Variants in PPARGC1A observed in about 807,000 individuals in gnomAD.
The protein encoded by PPARGC1A is PPARG coactivator 1 alpha, also known as peroxisome proliferator-activated receptor gamma coactivator 1-alpha.
PPARGC1A carries 25 observed loss-of-function variants against 88.7 expected under a neutral mutation model. The ratio of observed to expected loss-of-function variants is 0.28; its 90% CI spans 0.21 to 0.39. PPARGC1A has a LOEUF of 0.39. Among genes scored for constraint, PPARGC1A ranks in the 10% least tolerant of loss-of-function variants. PPARGC1A has a pLI of 1.00. For missense variants in PPARGC1A, 880 were observed against 968.7 expected (o/e 0.91, Z 1.22); for synonymous variants, 363 against 355.6 (o/e 1.02, Z -0.24).
At chr4:23,887,665 C>T (rs945068315) in intron 1 of PPARGC1A, among the ~76,000 whole-genome samples, 2 of 152,200 alleles carry the variant, frequency 1.3e-5, no homozygotes, top group African/African-American at 4.8e-5. Flanking sequence ...ATTAGCTTAA[C>T]TGCACTGATG....
chr4:24,177,530 T>A, the PPARGC1A span, among the ~76,000 whole-genome samples: 1 of 151,864 alleles, frequency 6.6e-6, no homozygotes, highest in Admixed American at 6.6e-5. Flanking sequence ...GACGAGTGAC[T>A]GGGTGCAGCA....
chr4:24,463,994 A>G, the PPARGC1A span, among the ~76,000 whole-genome samples: 2 of 152,168 alleles, frequency 1.3e-5, no homozygotes, highest in African/African-American at 4.8e-5. Context: ...ATTCAATTTG[A>G]TATTTCCCTA....
chr4:24,138,058 G>A, the PPARGC1A span, among the ~76,000 whole-genome samples: 46,422 of 151,978 alleles, frequency 0.31, 7,872 homozygotes, highest in African/African-American at 0.45. Flanking sequence ...GCCAGGTCAC[G>A]TGAGCATAGA....
the PPARGC1A span, among the ~76,000 whole-genome samples, chr4:24,002,374 C>T: frequency 6.6e-6 from 1 of 152,108 alleles, no homozygotes; most frequent in Non-Finnish European, 1.5e-5. Context: ...GATCTGCCCG[C>T]CTTGGCCTCT....
chr4:24,252,533 A>C, the PPARGC1A span, among the ~76,000 whole-genome samples: 1 of 152,240 alleles, frequency 6.6e-6, no homozygotes, highest in Non-Finnish European at 1.5e-5. Context: ...TATGGTTTCC[A>C]AACTATTTCT....
the PPARGC1A span, among the ~76,000 whole-genome samples, chr4:24,406,676 C>A: frequency 6.6e-6 from 1 of 152,180 alleles, no homozygotes; most frequent in East Asian, 1.9e-4. Context: ...CACATGCCCA[C>A]AGTGGAAGGT....
the PPARGC1A span, among the ~76,000 whole-genome samples, chr4:24,395,365 G>A: frequency 8.5e-5 from 13 of 152,100 alleles, no homozygotes; most frequent in Non-Finnish European, 1.5e-4. Flanking sequence ...ACAGGTCTTA[G>A]GTTATCATCA....
intron 10 of PPARGC1A, among the ~76,000 whole-genome samples, chr4:23,807,846 C>A (rs928691292): frequency 6.6e-6 from 1 of 151,956 alleles, no homozygotes; most frequent in African/African-American, 2.4e-5. Context: ...TGTTGTATAG[C>A]AGATCTCTAT....
the PPARGC1A span, among the ~76,000 whole-genome samples, chr4:24,314,731 CAAAAAT>C: frequency 6.6e-6 from 1 of 151,922 alleles, no homozygotes; most frequent in Non-Finnish European, 1.5e-5. Context: ...TTTGCAAAAA[CAAAAAT>C]GTGTTCTGTC....
At chr4:24,152,042 A>G in the PPARGC1A span, among the ~76,000 whole-genome samples, 39 of 152,360 alleles carry the variant, frequency 2.6e-4, no homozygotes, top group Non-Finnish European at 5.4e-4. Flanking sequence ...AGAAGGAAAG[A>G]GTTGTTTCTC....
At chr4:24,386,051 A>T in the PPARGC1A span, among the ~76,000 whole-genome samples, 1 of 152,248 alleles carries the variant, frequency 6.6e-6, no homozygotes, top group African/African-American at 2.4e-5. Context: ...ACCATGATCA[A>T]GTCAGCTTCA....
chr4:24,184,659 G>C, the PPARGC1A span, among the ~76,000 whole-genome samples: 1 of 152,208 alleles, frequency 6.6e-6, no homozygotes, highest in Non-Finnish European at 1.5e-5. Context: ...TGCTCTTGGT[G>C]CTGGTGGCAG....
At chr4:24,067,705 G>C in the PPARGC1A span, among the ~76,000 whole-genome samples, 3 of 152,172 alleles carry the variant, frequency 2.0e-5, no homozygotes, top group South Asian at 6.2e-4. Context: ...AACTGATCAA[G>C]GGGTCCAGGA....
the PPARGC1A span, among the ~76,000 whole-genome samples, chr4:24,160,283 G>T: frequency 8.8e-4 from 134 of 152,248 alleles, no homozygotes; most frequent in African/African-American, 2.9e-3. Flanking sequence ...CAGATAAAAA[G>T]CCTTGTCCTT....
At chr4:24,324,080 C>T in the PPARGC1A span, among the ~76,000 whole-genome samples, 1 of 152,194 alleles carries the variant, frequency 6.6e-6, no homozygotes, top group Non-Finnish European at 1.5e-5. Flanking sequence ...GGTGTTTAAT[C>T]ATTGCAGAGA....
the PPARGC1A span, among the ~76,000 whole-genome samples, chr4:24,203,209 A>G: frequency 6.6e-6 from 1 of 152,204 alleles, no homozygotes; most frequent in East Asian, 1.9e-4. Context: ...TCGCCAGGCA[A>G]GTAAGAGCAC....
chr4:23,912,881 T>C, the PPARGC1A span, among the ~76,000 whole-genome samples: 2 of 151,438 alleles, frequency 1.3e-5, no homozygotes, highest in Admixed American at 6.6e-5. Context: ...CTCCGCTTCC[T>C]GGGTTCATGC....
chr4:24,404,572 T>A, the PPARGC1A span, among the ~76,000 whole-genome samples: 9 of 151,520 alleles, frequency 5.9e-5, no homozygotes, highest in African/African-American at 2.2e-4. Context: ...GTCCCCAGTA[T>A]AAGGTACTAA....
the PPARGC1A span, among the ~76,000 whole-genome samples, chr4:24,450,478 A>C: frequency 6.6e-6 from 1 of 152,236 alleles, no homozygotes; most frequent in Non-Finnish European, 1.5e-5. Flanking sequence ...TAGAACTTTC[A>C]TATGGCAAGA....
Sources: allele counts gnomAD v4.1 joint callset (sites outside exome capture counted in the v4.1 genomes callset), GRCh38; gene constraint gnomAD v4.1.1; transcripts MANE v1.5; gene names NCBI Gene and HGNC (gene_info 2026-07-23, HGNC 2026-07-21).